The following GNAI2 variants were observed in gnomAD, a reference collection of about 807,000 sequenced individuals.
GNAI2 encodes G protein subunit alpha i2, also known as guanine nucleotide-binding protein G(i) subunit alpha-2.
Under a neutral mutation model 36.8 loss-of-function variants are expected in GNAI2, and 4 were observed. The ratio of observed to expected loss-of-function variants is 0.11; its 90% CI spans 0.05 to 0.25. The LOEUF (loss-of-function observed/expected upper bound fraction) is 0.25, where lower values mean the gene tolerates loss of function less well. GNAI2 is among the 10% of genes least tolerant of loss of function. GNAI2 has a pLI of 1.00. For synonymous variants in GNAI2, 194 were observed against 194.1 expected, an observed-to-expected ratio of 1.00 and a Z score of 0.01; for missense variants, 230 against 481.3, an observed-to-expected ratio of 0.48 and a Z score of 4.89.
chr3:50,230,808 T>A (rs980094998), exon 1 of GNAI2: 40 of 985,504 alleles, frequency 4.1e-5, no homozygotes, highest in Non-Finnish European at 4.7e-5. Context: ...TGGGGTCAAG[T>A]CATGCCTCCT....
chr3:50,235,736 T>C (rs1700150217), upstream of GNAI2, among the ~76,000 whole-genome samples: 1 of 152,032 alleles, frequency 6.6e-6, no homozygotes, highest in Non-Finnish European at 1.5e-5. Flanking sequence ...CCAAAACAAG[T>C]TTACTGGACT....
chr3:50,256,244 C>G lies in GNAI2; in HGVS notation c.517C>G (p.Gln173Glu). The change falls in exon 5 of 9, where the codon CAA (glutamine) becomes GAA (glutamate). Residue 173 changes from glutamine to glutamate, a missense_variant. Around this residue, in one of 4 missense-constraint regions of GNAI2, gnomAD observed 132 missense variants for 247.4 expected, o/e 0.53. Coordinates refer to ENST00000313601, the MANE Select transcript of GNAI2 (RefSeq NM_002070.4). ...ACAGAGTGACTACATCCCCACACAGCAAGATGTGCTACGGACCCGCGTAAA... is the reference window on the plus strand; with the variant it reads ...ACAGAGTGACTACATCCCCACACAGGAAGATGTGCTACGGACCCGCGTAAA... ...IAQSDYIPTQ[Q>E]DVLRTRVKTT... The G allele has an allele frequency of 1.2e-6, 2 of 1,609,556 alleles. No individual in the cohort carries two copies. Among genetic ancestry groups the G allele is most frequent in the Non-Finnish European group, 1.7e-6 (2 of 1,176,432 alleles).
Position 50,241,419 on chromosome 3 carries a change from A to AC in GNAI2, c.118+4971dup, listed in dbSNP as rs1700297287. ...TGAACAGGGGTCCAAGCTATAGCTG[A>AC]CCCCCTCTGCCTGCATCCTGCCCAG... On this transcript the variant is annotated intron_variant, in intron 1 of 8. Coordinates refer to ENST00000313601, the MANE Select transcript of GNAI2 (RefSeq NM_002070.4). The surrounding 1 kb of genome is among the most constrained non-coding windows in gnomAD (Gnocchi z 5.0). Among the ~76,000 whole-genome samples the AC allele has an allele frequency of 6.6e-6, 1 of 151,788 alleles. No homozygotes were observed. The highest frequency in any genetic ancestry group is 1.5e-5 in the Non-Finnish European group (1 of 67,946).
In GNAI2 at chr3:50,256,198, G is replaced by C. The variant is rs781872814; in HGVS notation, c.471G>C (p.Leu157=). The C allele has an allele frequency of 6.7e-7, 1 of 1,493,876 alleles. No homozygotes were observed. Among genetic ancestry groups the C allele is most frequent in the Non-Finnish European group, 9.2e-7 (1 of 1,092,878 alleles). 92.5% of individuals were successfully genotyped at this position (1,493,876 alleles called of 1,614,324 possible). ...YQLNDSAAYY[L]NDLERIAQSD... ...TCCCACCCCCCATCCCCAGCTACCTGAACGACCTGGAGCGTATTGCACAGA... is the reference window on the plus strand; with the variant it reads ...TCCCACCCCCCATCCCCAGCTACCTCAACGACCTGGAGCGTATTGCACAGA... Residue 157 remains leucine (L), a synonymous_variant, in exon 5 of 9, where the codon CTG becomes CTC. Transcript: ENST00000313601.
chr3:50,249,774 C>CAG (rs1452936220), intron 1 of GNAI2, among the ~76,000 whole-genome samples: 6 of 152,352 alleles, frequency 3.9e-5, no homozygotes, highest in Admixed American at 3.9e-4. Context: ...CTGGGACAGT[C>CAG]AGAAGCTCAG....
At chr3:50,244,895 C>A (rs1553701538) in intron 1 of GNAI2, among the ~76,000 whole-genome samples, 1 of 152,202 alleles carries the variant, frequency 6.6e-6, no homozygotes, top group African/African-American at 2.4e-5. Flanking sequence ...ATCCTCATGG[C>A]CACCCAAGAC....
chr3:50,240,481 C>T (rs1301937775), intron 1 of GNAI2, among the ~76,000 whole-genome samples: 5 of 152,216 alleles, frequency 3.3e-5, no homozygotes, highest in Non-Finnish European at 7.3e-5. Flanking sequence ...ATCCCAGTTC[C>T]ACCTATGGCA....
upstream of GNAI2, chr3:50,236,040 C>T (rs1006050599): frequency 5.7e-5 from 18 of 315,778 alleles, no homozygotes; most frequent in Non-Finnish European, 8.8e-5. The surrounding 1 kb of genome is among the most constrained non-coding windows in gnomAD (Gnocchi z 4.0). Flanking sequence ...TGGGCTGCGC[C>T]TAACTTCCCC....
rs1195768014 is a variant in GNAI2 at position 50,253,660 on chromosome 3, C to G, written c.464+476C>G. On this transcript the variant is annotated intron_variant, in intron 4 of 8. Transcript: ENST00000313601. This position sits in a 1 kb window ranked among gnomAD's most constrained non-coding sequence, Gnocchi z 4.2. ...TCAGGAGGCTGAGGCAGGAGAATGG[C>G]GTGAACCTGGGAGGTGGAGCTTGCA... Among the ~76,000 whole-genome samples the G allele has an allele frequency of 6.6e-6, 1 of 152,184 alleles. No individual in the cohort carries two copies. The highest frequency in any genetic ancestry group is 1.9e-4 in the East Asian group (1 of 5,192).
At chr3:50,240,891 C>A (rs587634884) in intron 1 of GNAI2, among the ~76,000 whole-genome samples, 1 of 146,840 alleles carries the variant, frequency 6.8e-6, no homozygotes, top group South Asian at 2.2e-4. Context: ...TGCACTCCAG[C>A]CTGGGGGACA....
upstream of GNAI2, among the ~76,000 whole-genome samples, chr3:50,232,034 TA>T (rs34808585): frequency 0.012 from 1,596 of 136,984 alleles, 17 homozygotes; most frequent in African/African-American, 0.033. Flanking sequence ...TCATCTCTAT[TA>T]AAAAAAAAAA....
At chr3:50,227,888 T>C (rs587611597), upstream of GNAI2, among the ~76,000 whole-genome samples, 25 of 152,246 alleles carry the variant, frequency 1.6e-4, no homozygotes, top group Non-Finnish European at 2.8e-4. The surrounding 1 kb of genome is among the most constrained non-coding windows in gnomAD (Gnocchi z 5.9). Context: ...AGCCCACCGC[T>C]GGCCAAGACC....
intron 1 of GNAI2, among the ~76,000 whole-genome samples, chr3:50,243,446 C>A (rs1700341919): frequency 6.6e-6 from 1 of 152,220 alleles, no homozygotes; most frequent in Non-Finnish European, 1.5e-5. Context: ...CAGCAACAGC[C>A]CCGAGATGAG....
chr3:50,254,449 G>A (rs1700641738), intron 4 of GNAI2, among the ~76,000 whole-genome samples: 1 of 152,180 alleles, frequency 6.6e-6, no homozygotes, highest in African/African-American at 2.4e-5. Context: ...GGGAGGAGGA[G>A]GAGGGTCTTG....
At chr3:50,243,376 C>T (rs941760566) in intron 1 of GNAI2, among the ~76,000 whole-genome samples, 3 of 152,236 alleles carry the variant, frequency 2.0e-5, no homozygotes, top group South Asian at 2.1e-4. Flanking sequence ...GATTCCCGAG[C>T]GGCCATTGCT....
chr3:50,246,074 G>A (rs1287107175), intron 1 of GNAI2, among the ~76,000 whole-genome samples: 1 of 152,222 alleles, frequency 6.6e-6, no homozygotes, highest in Non-Finnish European at 1.5e-5. Flanking sequence ...CCCGTGCTGA[G>A]CCTTCTCGGA....
In GNAI2 at chr3:50,255,597, A is replaced by G. The variant is rs1553703054; in HGVS notation, c.465-595A>G. Among the ~76,000 whole-genome samples the G allele has an allele frequency of 6.6e-6, 1 of 152,130 alleles. No homozygotes were observed. Among genetic ancestry groups the G allele is most frequent in the East Asian group, 1.9e-4 (1 of 5,174 alleles). ...CAACATCCTGGATCCTGTCCGAGGC[A>G]GGTCTGGCTCAGACCCTGGGTGCTG... On this transcript the variant is annotated intron_variant, in intron 4 of 8. Transcript: ENST00000313601. The surrounding 1 kb of genome is among the most constrained non-coding windows in gnomAD (Gnocchi z 4.0).
At chr3:50,231,607 C>A (rs1700068985), upstream of GNAI2, among the ~76,000 whole-genome samples, 1 of 152,142 alleles carries the variant, frequency 6.6e-6, no homozygotes, top group South Asian at 2.1e-4. Context: ...ATTTACCTGC[C>A]ACCCTGCAAG....
Position 50,252,645 on chromosome 3 carries a change from G to A in GNAI2, c.303+107G>A, listed in dbSNP as rs1700589460. On this transcript the variant is annotated intron_variant, in intron 3 of 8. Coordinates refer to ENST00000313601, the MANE Select transcript of GNAI2 (RefSeq NM_002070.4). This position sits in a 1 kb window ranked among gnomAD's most constrained non-coding sequence, Gnocchi z 4.1. ...CCAGCACTTTGGGACGCCGAGGCGG[G>A]TGGATCACCTGAGGTCAGGACCAGC... The A allele has an allele frequency of 1.1e-6, 1 of 951,714 alleles. No individual in the cohort carries two copies. The highest frequency in any genetic ancestry group is 1.6e-6 in the Non-Finnish European group (1 of 627,910). The allele number at this position is 951,714 out of a possible 1,614,324, so 59.0% of individuals were successfully genotyped here. A position where few individuals can be genotyped will look rare whatever the true frequency, so the allele number is the denominator to read the frequency against.
Sources: allele counts gnomAD v4.1 joint callset (sites outside exome capture counted in the v4.1 genomes callset), GRCh38; gene constraint gnomAD v4.1.1; regional missense constraint gnomAD v4.1.1; non-coding constraint Gnocchi (gnomAD v3.1); transcripts MANE v1.5; gene names NCBI Gene and HGNC (gene_info 2026-07-23, HGNC 2026-07-21).